Variants in IGFL2 observed in about 807,000 individuals in gnomAD.
The protein encoded by IGFL2 is insulin growth factor-like family member 2.
In IGFL2, 7 loss-of-function variants were observed where a neutral mutation model predicts 13.9. The ratio of observed to expected loss-of-function variants is 0.51; its 90% CI spans 0.29 to 0.95. IGFL2 has a LOEUF of 0.95. Among genes scored for constraint, IGFL2 ranks in the 40% least tolerant of loss-of-function variants. IGFL2 has a pLI of 0.08. For missense variants in IGFL2, 138 were observed against 147.8 expected, an observed-to-expected ratio of 0.93 and a Z score of 0.34; for synonymous variants, 55 against 55.8, an observed-to-expected ratio of 0.99 and a Z score of 0.07.
chr19:46,192,919 G>A, the IGFL2 span, among the ~76,000 whole-genome samples: 1 of 152,024 alleles, frequency 6.6e-6, no homozygotes, highest in Non-Finnish European at 1.5e-5. Context: ...GCCAGGCATG[G>A]TGGCTCATGC....
At chr19:46,209,822 C>G in the IGFL2 span, 1 of 152,216 alleles carries the variant, frequency 6.6e-6, no homozygotes, top group Non-Finnish European at 1.5e-5. Context: ...TTGGTCTTAA[C>G]TATCCTGGGC....
chr19:46,192,201 C>G, the IGFL2 span, among the ~76,000 whole-genome samples: 2 of 152,176 alleles, frequency 1.3e-5, no homozygotes, highest in African/African-American at 2.4e-5. Context: ...AGGTCAAACC[C>G]TGACCTTGCC....
chr19:46,102,159 T>A, the IGFL2 span, among the ~76,000 whole-genome samples: 3 of 152,346 alleles, frequency 2.0e-5, no homozygotes, highest in Non-Finnish European at 1.5e-5. Context: ...TTGTACCCAC[T>A]CTGCAAGTTT....
At chr19:46,179,352 G>C in the IGFL2 span, 1 of 158,334 alleles carries the variant, frequency 6.3e-6, no homozygotes, top group Non-Finnish European at 1.4e-5. Flanking sequence ...AGGGTGGGGG[G>C]GGTCTGTGAG....
the IGFL2 span, chr19:46,181,203 T>G: frequency 3.0e-5 from 1 of 32,912 alleles, no homozygotes; most frequent in African/African-American, 5.1e-5. Context: ...TCTGTTTTAT[T>G]TATTTATTTA....
At chr19:46,110,780 A>G in the IGFL2 span, among the ~76,000 whole-genome samples, 25 of 152,296 alleles carry the variant, frequency 1.6e-4, no homozygotes, top group African/African-American at 5.5e-4. Flanking sequence ...AGAACTCATT[A>G]CTATTTGTCT....
chr19:46,124,466 G>A, the IGFL2 span: 6 of 1,149,370 alleles, frequency 5.2e-6, no homozygotes, highest in South Asian at 6.4e-5. Context: ...TCCCGTTCAG[G>A]CAGGCCCTGA....
At chr19:46,170,819 A>C in the IGFL2 span, among the ~76,000 whole-genome samples, 2 of 152,172 alleles carry the variant, frequency 1.3e-5, no homozygotes, top group Admixed American at 1.3e-4. Context: ...GGCGAATTCT[A>C]GTCAGACCAG....
chr19:46,142,007 C>T (rs1972881209), upstream of IGFL2, among the ~76,000 whole-genome samples: 1 of 152,160 alleles, frequency 6.6e-6, no homozygotes, highest in Non-Finnish European at 1.5e-5. Context: ...GCTTCAGTAC[C>T]TTTGAAGTTT....
intron 1 of IGFL2, among the ~76,000 whole-genome samples, chr19:46,154,589 A>G (rs1039491877): frequency 3.3e-5 from 5 of 150,050 alleles, no homozygotes; most frequent in Admixed American, 1.3e-4. Flanking sequence ...AACTACAGGC[A>G]CCCACCACCA....
At chr19:46,157,236 GAGAAT>G (rs1247660799) in intron 1 of IGFL2, among the ~76,000 whole-genome samples, 1 of 152,094 alleles carries the variant, frequency 6.6e-6, no homozygotes, top group Non-Finnish European at 1.5e-5. Context: ...ATCTCATCCA[GAGAAT>G]AGAATAGGAG....
upstream of IGFL2, among the ~76,000 whole-genome samples, chr19:46,140,962 C>G (rs898053478): frequency 6.6e-6 from 1 of 152,130 alleles, no homozygotes; most frequent in Non-Finnish European, 1.5e-5. Context: ...GGAAAGTAAC[C>G]GCTGTGAAAC....
upstream of IGFL2, chr19:46,148,163 C>G: frequency 1.2e-6 from 1 of 835,726 alleles, no homozygotes; most frequent in East Asian, 2.8e-5. Context: ...TTCCAAGAGG[C>G]CAGTGCTTCT....
At chr19:46,163,893 C>CA (rs1313920272), downstream of IGFL2, 16 of 152,322 alleles carry the variant, frequency 1.1e-4, no homozygotes, top group Admixed American at 2.6e-4. Flanking sequence ...TGTGAAACAG[C>CA]AAAAATAGCA....
the IGFL2 span, among the ~76,000 whole-genome samples, chr19:46,118,718 A>T: frequency 8.9e-3 from 1,360 of 152,090 alleles, 25 homozygotes; most frequent in African/African-American, 0.031. Context: ...GAGACCAGGC[A>T]CTCCCATGCA....
the IGFL2 span, among the ~76,000 whole-genome samples, chr19:46,168,164 G>T: frequency 6.6e-6 from 1 of 152,194 alleles, no homozygotes; most frequent in Non-Finnish European, 1.5e-5. Context: ...CAAACTCCTG[G>T]CCTCAAATGA....
the IGFL2 span, among the ~76,000 whole-genome samples, chr19:46,211,013 G>C: frequency 1.3e-5 from 2 of 152,196 alleles, no homozygotes; most frequent in African/African-American, 2.4e-5. Flanking sequence ...CACAGTCATT[G>C]TGTCTCTGGG....
At chr19:46,098,331 T>C in the IGFL2 span, among the ~76,000 whole-genome samples, 1 of 152,196 alleles carries the variant, frequency 6.6e-6, no homozygotes, top group Non-Finnish European at 1.5e-5. Context: ...AACCCCTGCT[T>C]TTTCCTGCTT....
the IGFL2 span, among the ~76,000 whole-genome samples, chr19:46,171,007 C>T: frequency 2.8e-4 from 43 of 152,186 alleles, no homozygotes; most frequent in Non-Finnish European, 4.9e-4. Flanking sequence ...ACACCCTATT[C>T]GTACACTCCT....
Sources: gnomAD v4.1 joint callset for allele counts (sites outside exome capture counted in the v4.1 genomes callset) on GRCh38, gnomAD v4.1.1 for gene constraint, MANE v1.5 for transcripts, NCBI Gene and HGNC (gene_info 2026-07-23, HGNC 2026-07-21) for gene names.